CMSS1: variants seen among roughly 807,000 people sequenced by gnomAD.
The protein encoded by CMSS1 is cms1 ribosomal small subunit homolog, also known as protein CMSS1.
Under a neutral mutation model 43.5 loss-of-function variants are expected in CMSS1, and 33 were observed. The ratio of observed to expected loss-of-function variants is 0.76; its 90% CI spans 0.57 to 1.01. The LOEUF (loss-of-function observed/expected upper bound fraction) is 1.01, where lower values mean the gene tolerates loss of function less well. CMSS1 is among the 50% of genes least tolerant of loss of function. CMSS1 has a pLI of 0.00. For missense variants in CMSS1, 313 were observed against 326.4 expected (o/e 0.96, Z 0.32); for synonymous variants, 115 against 117.2 (o/e 0.98, Z 0.12).
At chr3:99,962,313 G>A (rs1056674251) in intron 1 of CMSS1, among the ~76,000 whole-genome samples, 2 of 152,188 alleles carry the variant, frequency 1.3e-5, no homozygotes, top group African/African-American at 2.4e-5. Flanking sequence ...TGATGGGAGA[G>A]TGGAAGATGA....
At chr3:100,049,475 G>A (rs972201827) in intron 1 of CMSS1, among the ~76,000 whole-genome samples, 5 of 152,126 alleles carry the variant, frequency 3.3e-5, no homozygotes, top group Admixed American at 3.3e-4. Flanking sequence ...TCTTTTTATT[G>A]ATTGATCTAT....
At chr3:100,068,293 GTTA>G (rs2065700510) in intron 1 of CMSS1, among the ~76,000 whole-genome samples, 1 of 152,076 alleles carries the variant, frequency 6.6e-6, no homozygotes, top group South Asian at 2.1e-4. Context: ...ATTTTGCCAT[GTTA>G]TTATAAACCT....
At chr3:99,876,017 T>C (rs757999524) in intron 1 of CMSS1, 28 of 981,698 alleles carry the variant, frequency 2.9e-5, no homozygotes, top group African/African-American at 5.2e-5. Context: ...ACTTGCTACC[T>C]GGCTGTCTGA....
intron 1 of CMSS1, chr3:99,930,685 T>G: frequency 7.0e-7 from 1 of 1,436,972 alleles, no homozygotes; most frequent in South Asian, 1.2e-5. Context: ...ACCACAGATA[T>G]CTATTTCTGT....
chr3:99,917,464 C>A (rs1430841814), intron 1 of CMSS1, among the ~76,000 whole-genome samples: 1 of 152,126 alleles, frequency 6.6e-6, no homozygotes. Flanking sequence ...GAGCTGGCTT[C>A]TACTCTGACT....
At chr3:100,116,267 AG>A (rs2066568466) in intron 1 of CMSS1, among the ~76,000 whole-genome samples, 1 of 152,182 alleles carries the variant, frequency 6.6e-6, no homozygotes, top group African/African-American at 2.4e-5. Flanking sequence ...ACTTTCTTAG[AG>A]TGAAGAAGAG....
At chr3:100,058,596 C>T (rs565564103) in intron 1 of CMSS1, among the ~76,000 whole-genome samples, 1 of 152,306 alleles carries the variant, frequency 6.6e-6, no homozygotes, top group Admixed American at 6.5e-5. Context: ...CCTTGGTGGA[C>T]AAAGAGAAAA....
chr3:99,958,654 A>G (rs1251228142), intron 1 of CMSS1, among the ~76,000 whole-genome samples: 1 of 152,116 alleles, frequency 6.6e-6, no homozygotes, highest in East Asian at 1.9e-4. Flanking sequence ...GTACTCTTGC[A>G]GGAGAAGAAG....
intron 1 of CMSS1, among the ~76,000 whole-genome samples, chr3:99,938,185 C>T (rs1332919536): frequency 6.6e-6 from 1 of 152,176 alleles, no homozygotes; most frequent in Non-Finnish European, 1.5e-5. Flanking sequence ...TGTAAACTTT[C>T]GATCATAAAT....
intron 1 of CMSS1, among the ~76,000 whole-genome samples, chr3:99,922,419 G>A (rs1707153436): frequency 1.3e-5 from 2 of 152,158 alleles, no homozygotes; most frequent in Non-Finnish European, 2.9e-5. Context: ...GAGCAAGTTA[G>A]TAGGACCTTT....
At chr3:99,968,758 G>T (rs2107713759) in intron 1 of CMSS1, among the ~76,000 whole-genome samples, 1 of 152,302 alleles carries the variant, frequency 6.6e-6, no homozygotes, top group African/African-American at 2.4e-5. Context: ...ATTTTCCTCA[G>T]GTGTGGCATT....
At chr3:100,107,011 A>G (rs1397828412) in intron 1 of CMSS1, among the ~76,000 whole-genome samples, 1 of 152,190 alleles carries the variant, frequency 6.6e-6, no homozygotes, top group Non-Finnish European at 1.5e-5. Context: ...CTAACTCTCA[A>G]AGAATAAATA....
intron 1 of CMSS1, chr3:100,023,216 A>T (rs976575314): frequency 6.6e-6 from 1 of 152,332 alleles, no homozygotes; most frequent in Admixed American, 6.6e-5. Flanking sequence ...AGTAACCCTT[A>T]CAGAGATAAT....
intron 1 of CMSS1, among the ~76,000 whole-genome samples, chr3:100,093,316 AAGTC>A (rs1421808687): frequency 1.3e-5 from 2 of 152,112 alleles, no homozygotes; most frequent in Non-Finnish European, 2.9e-5. Context: ...ATTTTAGAAA[AAGTC>A]AGATAATCCA....
chr3:99,907,406 C>T (rs1166610283), intron 1 of CMSS1, among the ~76,000 whole-genome samples: 2 of 152,078 alleles, frequency 1.3e-5, no homozygotes, highest in Non-Finnish European at 2.9e-5. Context: ...CACCACCACG[C>T]CCAACTAATT....
At chr3:99,896,716 G>A (rs1706266534) in intron 1 of CMSS1, among the ~76,000 whole-genome samples, 1 of 152,204 alleles carries the variant, frequency 6.6e-6, no homozygotes, top group Non-Finnish European at 1.5e-5. Context: ...TGTTGCCATA[G>A]CAACCGAACC....
intron 1 of CMSS1, among the ~76,000 whole-genome samples, chr3:99,838,745 A>G (rs75428030): frequency 2.6e-3 from 397 of 152,332 alleles, no homozygotes; most frequent in African/African-American, 8.4e-3. Context: ...AGCTTTCCTT[A>G]TATGTCAGAG....
At chr3:99,960,916 A>C (rs1402681818) in intron 1 of CMSS1, among the ~76,000 whole-genome samples, 1 of 152,200 alleles carries the variant, frequency 6.6e-6, no homozygotes, top group Non-Finnish European at 1.5e-5. Flanking sequence ...CAACAAAGTG[A>C]AATGTAAAAA....
At chr3:99,870,831 G>A (rs539273518) in intron 1 of CMSS1, among the ~76,000 whole-genome samples, 2 of 152,336 alleles carry the variant, frequency 1.3e-5, no homozygotes, top group South Asian at 2.1e-4. Context: ...GCATGGCAAA[G>A]ATAAGCCATT....
Sources: gnomAD v4.1 joint callset for allele counts (sites outside exome capture counted in the v4.1 genomes callset) on GRCh38, gnomAD v4.1.1 for gene constraint, MANE v1.5 for transcripts, NCBI Gene and HGNC (gene_info 2026-07-23, HGNC 2026-07-21) for gene names.